KCNN1: variants seen among roughly 807,000 people sequenced by gnomAD.
KCNN1 encodes the protein potassium calcium-activated channel subfamily N member 1, also known as small conductance calcium-activated potassium channel protein 1.
A neutral mutation model predicts 44.7 loss-of-function variants in KCNN1; 20 were observed. The ratio of observed to expected loss-of-function variants is 0.45; its 90% CI spans 0.32 to 0.65. The LOEUF (loss-of-function observed/expected upper bound fraction) is 0.65. KCNN1 is among the 30% of genes least tolerant of loss of function. The pLI, the probability that KCNN1 is intolerant of heterozygous loss-of-function variation, is 0.05. For missense variants in KCNN1, 632 were observed against 785.3 expected (o/e 0.80, Z 2.33); for synonymous variants, 324 against 341.7 (o/e 0.95, Z 0.57).
intron 7 of KCNN1, among the ~76,000 whole-genome samples, chr19:17,992,173 A>C (rs2032817459): frequency 7.0e-6 from 1 of 141,954 alleles, no homozygotes; most frequent in Admixed American, 7.1e-5. Context: ...ATACAAAAAA[A>C]TTAGCTGAGC....
Position 17,993,416 on chromosome 19 carries a change from T to G in KCNN1, c.1308-74T>G. 8.7e-7 allele frequency: 1 copy of G among 1,149,302 alleles called. No homozygotes were observed. The highest frequency in any genetic ancestry group is 1.3e-6 in the Non-Finnish European group (1 of 775,234). The allele number at this position is 1,149,302 out of a possible 1,614,324, so 71.2% of individuals were successfully genotyped here. A position where few individuals can be genotyped will look rare whatever the true frequency, so the allele number is the denominator to read the frequency against. ...CCATAGGTGACCCCGGGTGGGTGCATGAAAGTCCCTGCCCCCACTGCAGCC... is the reference window on the plus strand; with the variant it reads ...CCATAGGTGACCCCGGGTGGGTGCAGGAAAGTCCCTGCCCCCACTGCAGCC... On this transcript the variant is annotated intron_variant, in intron 8 of 9. Transcript: ENST00000684775. The surrounding 1 kb of genome is among the most constrained non-coding windows in gnomAD (Gnocchi z 4.5).
chr19:17,960,019 G>T (rs1176837059), intron 2 of KCNN1, among the ~76,000 whole-genome samples: 1 of 151,926 alleles, frequency 6.6e-6, no homozygotes, highest in East Asian at 1.9e-4. Context: ...GGAGGTGGAG[G>T]TTGCAGTAAG....
At chr19:17,982,904 G>A (rs1373345101) in intron 4 of KCNN1, among the ~76,000 whole-genome samples, 2 of 152,112 alleles carry the variant, frequency 1.3e-5, no homozygotes, top group South Asian at 2.1e-4. Context: ...GGCTAGGTGC[G>A]GTGGTGGTGC....
At chr19:17,962,393 T>G (rs1457821538), upstream of KCNN1, among the ~76,000 whole-genome samples, 2 of 152,164 alleles carry the variant, frequency 1.3e-5, no homozygotes, top group African/African-American at 4.8e-5. Flanking sequence ...TGTGCCCCTT[T>G]TTCCTCCGTG....
rs748823092 is a variant in KCNN1 at position 17,988,411 on chromosome 19, A to C, written c.1060-4A>C. 2 of 1,609,684 alleles carry C rather than the reference A, an allele frequency of 1.2e-6. No homozygotes were observed. The highest frequency in any genetic ancestry group is 2.7e-5 in the African/African-American group (2 of 74,822). On this transcript the variant is annotated splice_region_variant and splice_polypyrimidine_tract_variant and intron_variant, in intron 5 of 9. Coordinates refer to ENST00000684775, the MANE Select transcript of KCNN1 (RefSeq NM_001386974.1). ...CTGATGTGCCCCCTCTGCCCTGCAC[A>C]CAGGGAGCTGGCTGTACCGCGCTCG... is the stretch of plus-strand genomic sequence containing the variant.
intron 9 of KCNN1, among the ~76,000 whole-genome samples, chr19:17,994,654 G>A (rs998632496): frequency 5.9e-5 from 9 of 151,974 alleles, no homozygotes; most frequent in African/African-American, 2.2e-4. Flanking sequence ...AGCAATTCTC[G>A]TGCTTCAGCC....
chr19:17,979,766 C>T (rs931053069), intron 3 of KCNN1, among the ~76,000 whole-genome samples: 4 of 152,130 alleles, frequency 2.6e-5, no homozygotes, highest in Admixed American at 6.5e-5. Context: ...GCCCCTAGAA[C>T]GCGCGGCCGC....
At chr19:17,980,037 G>T in intron 3 of KCNN1, among the ~76,000 whole-genome samples, 1 of 149,228 alleles carries the variant, frequency 6.7e-6, no homozygotes, top group South Asian at 2.1e-4. Context: ...CCCCATCTCT[G>T]CATTAATTTT....
At chr19:17,977,681 G>T (rs975187299) in intron 3 of KCNN1, among the ~76,000 whole-genome samples, 1 of 151,862 alleles carries the variant, frequency 6.6e-6, no homozygotes, top group East Asian at 1.9e-4. Context: ...TTAACTAGCC[G>T]ACCTCGTTAC....
chr19:17,985,241 C>T (rs2032557284), intron 4 of KCNN1, 71 bp from the exon 5 acceptor site: 1 of 1,442,986 alleles, frequency 6.9e-7, no homozygotes, highest in South Asian at 1.4e-5. Context: ...GGCGCTGCCC[C>T]AGGGGGTGTG....
At position 17,981,771 on chromosome 19, in the gene KCNN1, C is replaced by T. The variant is rs773376258; in HGVS notation, c.561C>T (p.Phe187=). The part of the protein sequence containing the change: ...WRIAMTCERV[F]LISLELAVCA... ...TCGCCATGACCTGCGAGCGCGTGTTCCTCATCTCGCTAGAGCTGGCAGTGT... is the reference window on the plus strand; with the variant it reads ...TCGCCATGACCTGCGAGCGCGTGTTTCTCATCTCGCTAGAGCTGGCAGTGT... Residue 187 remains phenylalanine (F), a synonymous_variant, in exon 4 of 10, where the codon TTC becomes TTT. Coordinates refer to ENST00000684775, the MANE Select transcript of KCNN1 (RefSeq NM_001386974.1). 2 of 1,611,526 alleles carry T rather than the reference C, an allele frequency of 1.2e-6. No homozygotes were observed. The highest frequency in any genetic ancestry group is 1.7e-6 in the Non-Finnish European group (2 of 1,178,198).
At chr19:17,994,528 C>T (rs1246904432) in intron 9 of KCNN1, among the ~76,000 whole-genome samples, 1 of 151,592 alleles carries the variant, frequency 6.6e-6, no homozygotes, top group African/African-American at 2.4e-5. Context: ...AGTCATCTCC[C>T]ACTTTTTTTT....
Position 17,983,858 on chromosome 19 carries a change from G to A in KCNN1, c.918-1454G>A, listed in dbSNP as rs1287104417. Among the ~76,000 whole-genome samples the A allele has an allele frequency of 6.6e-6, 1 of 151,880 alleles. No homozygotes were observed. The highest frequency in any genetic ancestry group is 1.5e-5 in the Non-Finnish European group (1 of 67,946). On this transcript the variant is annotated intron_variant, in intron 4 of 9. Coordinates refer to ENST00000684775, the MANE Select transcript of KCNN1 (RefSeq NM_001386974.1). This position sits in a 1 kb window ranked among gnomAD's most constrained non-coding sequence, Gnocchi z 4.5. ...CAGCTTGGGGCTCAGATGTTTTGGTGTAAGATGGGGGTCAGTCAGCTGGGC... is the reference window on the plus strand; with the variant it reads ...CAGCTTGGGGCTCAGATGTTTTGGTATAAGATGGGGGTCAGTCAGCTGGGC...
chr19:17,974,352 G>T lies in KCNN1; in HGVS notation c.402+62G>T, dbSNP rs1599357579. On this transcript the variant is annotated intron_variant, in intron 2 of 9. Transcript: ENST00000684775. This position sits in a 1 kb window ranked among gnomAD's most constrained non-coding sequence, Gnocchi z 7.3. ...TCCACCAAGCCCGCCTAGCTTTCTT[G>T]ACATGGGGTTGGGGGTGGCAGGGCC... The T allele has an allele frequency of 2.0e-6, 3 of 1,491,256 alleles. No individual in the cohort carries two copies. The highest frequency in any genetic ancestry group is 2.7e-6 in the Non-Finnish European group (3 of 1,124,842). 92.4% of individuals were successfully genotyped at this position (1,491,256 alleles called of 1,614,324 possible).
chr19:17,960,793 G>A (rs1291423039), intron 2 of KCNN1, among the ~76,000 whole-genome samples: 1 of 152,066 alleles, frequency 6.6e-6, no homozygotes, highest in African/African-American at 2.4e-5. Flanking sequence ...GGCTCCTGGT[G>A]TTCTTTGGCT....
chr19:17,977,266 G>A (rs1260399854), intron 3 of KCNN1, among the ~76,000 whole-genome samples: 2 of 152,004 alleles, frequency 1.3e-5, no homozygotes, highest in Admixed American at 1.3e-4. Flanking sequence ...CTTTGAGAGT[G>A]TCTGTGTCCA....
rs780591547 is a variant in KCNN1, at chr19:17,993,465, C to T, written c.1308-25C>T. The T allele has an allele frequency of 1.3e-6, 2 of 1,599,386 alleles. No individual in the cohort carries two copies. The highest frequency in any genetic ancestry group is 1.7e-6 in the Non-Finnish European group (2 of 1,168,542). Reference sequence around the variant, plus strand: ...CCTCCACGGGAACCTGCCTAACCCCCTCCCCCAACCCCGTGTCCCCACAGG... The same window carrying T: ...CCTCCACGGGAACCTGCCTAACCCCTTCCCCCAACCCCGTGTCCCCACAGG... On this transcript the variant is annotated intron_variant, in intron 8 of 9. Coordinates refer to ENST00000684775, the MANE Select transcript of KCNN1 (RefSeq NM_001386974.1). The surrounding 1 kb of genome is among the most constrained non-coding windows in gnomAD (Gnocchi z 4.5).
Position 17,967,727 on chromosome 19 carries a change from C to T in KCNN1, c.-82+410C>T, listed in dbSNP as rs2031865500. 2.0e-5 allele frequency among the ~76,000 whole-genome samples: 3 copies of T among 152,040 alleles called. No homozygotes were observed. In the South Asian group the frequency reaches 6.2e-4, roughly 32 times the overall value. ...GGGCACTCAGGGAGGGGTCAGGAAACCGGGTCTTCCATCTCTCCCCGGACA... is the reference window on the plus strand; with the variant it reads ...GGGCACTCAGGGAGGGGTCAGGAAATCGGGTCTTCCATCTCTCCCCGGACA... On this transcript the variant is annotated intron_variant, in intron 1 of 9. Coordinates refer to ENST00000684775, the MANE Select transcript of KCNN1 (RefSeq NM_001386974.1).
chr19:17,954,658 G>T (rs2031497102), exon 2 of KCNN1: 1 of 152,220 alleles, frequency 6.6e-6, no homozygotes. Context: ...CAGTGGCTCG[G>T]CGAGGAGACC....
Sources: allele counts gnomAD v4.1 joint callset (sites outside exome capture counted in the v4.1 genomes callset), GRCh38; gene constraint gnomAD v4.1.1; non-coding constraint Gnocchi (gnomAD v3.1); transcripts MANE v1.5; gene names NCBI Gene and HGNC (gene_info 2026-07-23, HGNC 2026-07-21).